The following ATP11B variants were observed in gnomAD, a reference collection of about 807,000 sequenced individuals.
The protein encoded by ATP11B is phospholipid-transporting ATPase IF.
ATP11B carries 81 observed loss-of-function variants against 157.8 expected under a neutral mutation model. The ratio of observed to expected loss-of-function variants is 0.51; its 90% CI spans 0.43 to 0.62. The LOEUF (loss-of-function observed/expected upper bound fraction) is 0.62, where lower values mean the gene tolerates loss of function less well. ATP11B is among the 20% of genes least tolerant of loss of function. ATP11B has a pLI of 0.00. For missense variants in ATP11B, 1,165 were observed against 1,402.2 expected (o/e 0.83, Z 2.70); for synonymous variants, 451 against 469.4 (o/e 0.96, Z 0.51).
intron 17 of ATP11B, among the ~76,000 whole-genome samples, chr3:182,869,981 G>A (rs1438375817): frequency 6.6e-6 from 1 of 152,182 alleles, no homozygotes; most frequent in East Asian, 1.9e-4. Context: ...AAAAGAGTGT[G>A]CTGAGTGAAA....
intron 1 of ATP11B, among the ~76,000 whole-genome samples, chr3:182,803,922 C>T (rs1716161794): frequency 6.6e-6 from 1 of 152,082 alleles, no homozygotes; most frequent in Non-Finnish European, 1.5e-5. Context: ...ACAAATAATG[C>T]TCTGTCTTAA....
At chr3:182,886,949 G>A (rs1275141153) in intron 23 of ATP11B, among the ~76,000 whole-genome samples, 1 of 152,092 alleles carries the variant, frequency 6.6e-6, no homozygotes, top group Non-Finnish European at 1.5e-5. Context: ...AAGACAATAC[G>A]ACAAGGAAAA....
At chr3:182,835,596 A>G (rs1718488478) in intron 4 of ATP11B, among the ~76,000 whole-genome samples, 1 of 152,190 alleles carries the variant, frequency 6.6e-6, no homozygotes, top group Non-Finnish European at 1.5e-5. Flanking sequence ...TTTATGAGAC[A>G]TCAAAATTGA....
chr3:182,795,281 T>C (rs1011653515), intron 1 of ATP11B, among the ~76,000 whole-genome samples: 2 of 152,252 alleles, frequency 1.3e-5, no homozygotes, highest in African/African-American at 4.8e-5. Context: ...TTGCCAAATC[T>C]TCTTGTATAG....
intron 8 of ATP11B, 89 bp downstream of exon 8, chr3:182,842,211 A>T: frequency 1.1e-6 from 1 of 909,966 alleles, no homozygotes; most frequent in Non-Finnish European, 1.7e-6. Context: ...TTATGTAAAT[A>T]AGCAGCCCAT....
chr3:182,872,290 C>T, intron 17 of ATP11B, 66 bp from the exon 18 acceptor site: 1 of 1,200,398 alleles, frequency 8.3e-7, no homozygotes, highest in Non-Finnish European at 1.2e-6. Flanking sequence ...TTGATAGTGA[C>T]TTCTTGATTT....
intron 28 of ATP11B, among the ~76,000 whole-genome samples, chr3:182,910,377 A>G (rs1389211533): frequency 6.6e-6 from 1 of 151,928 alleles, no homozygotes; most frequent in Non-Finnish European, 1.5e-5. Context: ...GGAGTTTGAG[A>G]CCAGCCTGGG....
intron 9 of ATP11B, among the ~76,000 whole-genome samples, chr3:182,847,145 G>T (rs907096243): frequency 1.3e-5 from 2 of 151,296 alleles, no homozygotes; most frequent in Non-Finnish European, 2.9e-5. Context: ...CTGCCTCCCG[G>T]GTTCAAGCAA....
At chr3:182,835,504 G>A (rs932247063) in intron 4 of ATP11B, among the ~76,000 whole-genome samples, 4 of 152,146 alleles carry the variant, frequency 2.6e-5, no homozygotes, top group African/African-American at 9.7e-5. Context: ...AGATGGTGAT[G>A]TTATTTGTCA....
intron 29 of ATP11B, chr3:182,914,202 C>G (rs1020763066): frequency 2.9e-6 from 4 of 1,369,252 alleles, no homozygotes; most frequent in Non-Finnish European, 3.7e-6. Context: ...AGAGAAAGCA[C>G]CTTTGAAGAG....
At chr3:182,864,271 G>A (rs374566939) in intron 12 of ATP11B, among the ~76,000 whole-genome samples, 68 of 151,964 alleles carry the variant, frequency 4.5e-4, no homozygotes, top group East Asian at 3.9e-3. Context: ...TTGCCTAATT[G>A]TCATGGCTAG....
chr3:182,876,990 A>G (rs1451754414), intron 19 of ATP11B, among the ~76,000 whole-genome samples: 1 of 152,252 alleles, frequency 6.6e-6, no homozygotes, highest in African/African-American at 2.4e-5. Flanking sequence ...CTTGATAAAA[A>G]TCTGTCGCAC....
chr3:182,906,046 GT>G (rs1724326951), intron 28 of ATP11B: 3 of 312,592 alleles, frequency 9.6e-6, no homozygotes, highest in African/African-American at 6.5e-5. Context: ...CTCATATGTT[GT>G]TTTAGTTTCG....
At chr3:182,915,330 C>A in intron 29 of ATP11B, 1 of 985,222 alleles carries the variant, frequency 1.0e-6, no homozygotes, top group Non-Finnish European at 1.2e-6. Flanking sequence ...TGCTGTGATA[C>A]CATTTTGTAG....
At chr3:182,915,855 GTTTT>G (rs1317192942) in intron 29 of ATP11B, 2 of 969,568 alleles carry the variant, frequency 2.1e-6, no homozygotes, top group Non-Finnish European at 2.5e-6. Context: ...GCGCCATATT[GTTTT>G]TTTCTGAATT....
At chr3:182,868,570 A>G (rs1480527098) in intron 15 of ATP11B, among the ~76,000 whole-genome samples, 1 of 152,014 alleles carries the variant, frequency 6.6e-6, no homozygotes, top group African/African-American at 2.4e-5. Flanking sequence ...GGACCCCCGC[A>G]CACACACACC....
rs936046177 is a variant in ATP11B, at chr3:182,921,406, T to C, written c.*3302T>C. ...AAAAAATAGATCATAACTCATGATA[T>C]GTTTGTAATCATGGTAATTTAGATT... On this transcript the variant is annotated 3_prime_UTR_variant, in exon 30 of 30. Coordinates refer to ENST00000323116, the MANE Select transcript of ATP11B (RefSeq NM_014616.3). 1 of 152,184 alleles carries C rather than the reference T, an allele frequency of 6.6e-6. No individual in the cohort carries two copies. The highest frequency in any genetic ancestry group is 1.5e-5 in the Non-Finnish European group (1 of 68,036). 9.4% of individuals were successfully genotyped at this position (152,184 alleles called of 1,614,324 possible).
At position 182,919,414 on chromosome 3, in the gene ATP11B, A is replaced by ATGG. The variant is rs1174575401; in HGVS notation, c.*1310_*1311insTGG. On this transcript the variant is annotated 3_prime_UTR_variant, in exon 30 of 30. Transcript: ENST00000323116. ...ACTGTAATTAACTCATTGCACTTCA[A>ATGG]AACCTAACTTCCATCCTGAATTTAT... 6.6e-6 allele frequency: 1 copy of ATGG among 152,644 alleles called. No homozygotes were observed. Among genetic ancestry groups the ATGG allele is most frequent in the Non-Finnish European group, 1.5e-5 (1 of 68,034 alleles). The allele number at this position is 152,644 out of a possible 1,614,324, so 9.5% of individuals were successfully genotyped here.
At chr3:182,795,876 C>T (rs1453427144) in intron 1 of ATP11B, among the ~76,000 whole-genome samples, 3 of 152,160 alleles carry the variant, frequency 2.0e-5, no homozygotes, top group Admixed American at 1.3e-4. Context: ...TGAATCACCA[C>T]GACTTTCAGC....
Sources: gnomAD v4.1 joint callset for allele counts (sites outside exome capture counted in the v4.1 genomes callset) on GRCh38, gnomAD v4.1.1 for gene constraint, MANE v1.5 for transcripts, NCBI Gene and HGNC (gene_info 2026-07-23, HGNC 2026-07-21) for gene names.